CACNA1A: variants seen among roughly 807,000 people sequenced by gnomAD.
The protein encoded by CACNA1A is voltage-dependent P/Q-type calcium channel subunit alpha-1A.
CACNA1A carries 57 observed loss-of-function variants against 262.4 expected under a neutral mutation model. That is an observed-to-expected ratio of 0.22 (90% CI 0.18 to 0.27). CACNA1A has a LOEUF of 0.27. Among genes scored for constraint, CACNA1A ranks in the 10% least tolerant of loss-of-function variants. The pLI is 1.00. For synonymous variants in CACNA1A, 1,431 were observed against 1,419.3 expected, an observed-to-expected ratio of 1.01 and a Z score of -0.18; for missense variants, 2,526 against 3,562.8, an observed-to-expected ratio of 0.71 and a Z score of 7.41.
intron 22 of CACNA1A, among the ~76,000 whole-genome samples, chr19:13,282,365 C>T (rs528225381): frequency 6.6e-6 from 1 of 151,946 alleles, no homozygotes; most frequent in African/African-American, 2.4e-5. Flanking sequence ...ACAGGAGCCA[C>T]CAGTCCACCC....
At chr19:13,323,564 G>A (rs953926806) in intron 10 of CACNA1A, among the ~76,000 whole-genome samples, 6 of 152,052 alleles carry the variant, frequency 3.9e-5, no homozygotes, top group African/African-American at 1.2e-4. Flanking sequence ...CGGGCTCAAG[G>A]GATCGTCACA....
intron 1 of CACNA1A, among the ~76,000 whole-genome samples, chr19:13,497,568 ATATAT>A (rs1981830455): frequency 2.8e-5 from 1 of 35,762 alleles, no homozygotes; most frequent in African/African-American, 1.1e-4. Flanking sequence ...ATATATATAT[ATATAT>A]ATATATAAAT....
rs1182211677 is a variant in CACNA1A at position 13,461,380 on chromosome 19, C to CAAAACAA, written c.294-6169_294-6168insTTGTTTT. 2.0e-5 allele frequency among the ~76,000 whole-genome samples: 3 copies of CAAAACAA among 150,746 alleles called. No homozygotes were observed. In the East Asian group the frequency reaches 5.8e-4, roughly 29 times the overall value. On this transcript the variant is annotated intron_variant, in intron 1 of 46. Coordinates refer to ENST00000360228, the MANE Select transcript of CACNA1A (RefSeq NM_001127222.2). ...CAAAACAAAACAAAACAAAACAAAA[C>CAAAACAA]AAAAATCACCGGTGGAGGAAATGAA...
chr19:13,439,202 A>G (rs372707396), intron 3 of CACNA1A, among the ~76,000 whole-genome samples: 17 of 138,042 alleles, frequency 1.2e-4, no homozygotes, highest in South Asian at 4.7e-4. Context: ...TCCGCCTCCC[A>G]GGTTCACGCC....
chr19:13,423,611 C>T (rs1367110400), intron 3 of CACNA1A, among the ~76,000 whole-genome samples: 1 of 152,062 alleles, frequency 6.6e-6, no homozygotes, highest in African/African-American at 2.4e-5. Context: ...TCCCCAGGCT[C>T]AAGCAATCCT....
intron 10 of CACNA1A, among the ~76,000 whole-genome samples, chr19:13,323,858 G>T (rs1019464674): frequency 1.3e-5 from 2 of 152,080 alleles, no homozygotes; most frequent in African/African-American, 4.8e-5. Context: ...CCAATGCCAT[G>T]GAGCTTTCTC....
chr19:13,228,840 C>A, intron 36 of CACNA1A: 2 of 1,150,728 alleles, frequency 1.7e-6, no homozygotes, highest in South Asian at 2.7e-5. Flanking sequence ...TGGGTTCACA[C>A]GGGCTCCCTG....
intron 37 of CACNA1A, 85 bp downstream of exon 37, chr19:13,227,346 T>G: frequency 1.7e-6 from 1 of 585,626 alleles, no homozygotes; most frequent in Non-Finnish European, 3.1e-6. Flanking sequence ...GGCCGGGTGT[T>G]TCTGGTCAGC....
At chr19:13,356,688 C>T (rs970819027) in intron 6 of CACNA1A, among the ~76,000 whole-genome samples, 14 of 152,170 alleles carry the variant, frequency 9.2e-5, no homozygotes, top group Admixed American at 5.9e-4. Flanking sequence ...AGCTCCCATT[C>T]CCCACTCCCA....
intron 19 of CACNA1A, among the ~76,000 whole-genome samples, chr19:13,288,921 G>A (rs1238668577): frequency 6.6e-6 from 1 of 152,184 alleles, no homozygotes; most frequent in Admixed American, 6.5e-5. Flanking sequence ...GTAAGTGGAA[G>A]AGAGACAAGC....
At chr19:13,213,153 C>T (rs1413106659) in intron 40 of CACNA1A, among the ~76,000 whole-genome samples, 1 of 152,154 alleles carries the variant, frequency 6.6e-6, no homozygotes, top group African/African-American at 2.4e-5. Context: ...AAGGATCTGC[C>T]CTGTCACCTC....
At chr19:13,474,817 A>G (rs1279162785) in intron 1 of CACNA1A, among the ~76,000 whole-genome samples, 1 of 90,520 alleles carries the variant, frequency 1.1e-5, no homozygotes, top group Non-Finnish European at 1.9e-5. Context: ...ACTCCGTCTC[A>G]AAAAAAAAAA....
chr19:13,281,606 C>T (rs1013896497), intron 22 of CACNA1A, among the ~76,000 whole-genome samples: 1 of 151,968 alleles, frequency 6.6e-6, no homozygotes, highest in African/African-American at 2.4e-5. Flanking sequence ...GCACCTCCCC[C>T]CTCCTGTCGT....
intron 1 of CACNA1A, among the ~76,000 whole-genome samples, chr19:13,476,424 C>T (rs77743741): frequency 0.02 from 3,092 of 152,296 alleles, 47 homozygotes; most frequent in Middle Eastern, 0.048. Flanking sequence ...CAGTTTTGAG[C>T]ACCTATGATA....
At chr19:13,453,283 C>T (rs951489131) in intron 2 of CACNA1A, among the ~76,000 whole-genome samples, 36 of 152,182 alleles carry the variant, frequency 2.4e-4, no homozygotes, top group African/African-American at 7.5e-4. Flanking sequence ...TTTGTTTGCA[C>T]CTGTCTTATT....
chr19:13,336,594 G>GGAGGGAGAGAGA (rs1555768095), intron 6 of CACNA1A, among the ~76,000 whole-genome samples: 15 of 65,508 alleles, frequency 2.3e-4, no homozygotes, highest in African/African-American at 7.7e-4. Flanking sequence ...AGAGAGAGAG[G>GGAGGGAGAGAGA]GAGAGAGAGA....
chr19:13,264,867 T>TC (rs2056825422), intron 24 of CACNA1A, among the ~76,000 whole-genome samples: 2 of 132,954 alleles, frequency 1.5e-5, no homozygotes, highest in Admixed American at 1.7e-4. Flanking sequence ...GTGTTCATTT[T>TC]CCCTTTAATC....
chr19:13,443,322 C>T (rs1483412547), intron 3 of CACNA1A, among the ~76,000 whole-genome samples: 1 of 151,690 alleles, frequency 6.6e-6, no homozygotes, highest in African/African-American at 2.4e-5. Context: ...TTTATTTAAC[C>T]TTGAGAGTTG....
At chr19:13,403,052 C>A (rs2059937634) in intron 3 of CACNA1A, among the ~76,000 whole-genome samples, 1 of 151,426 alleles carries the variant, frequency 6.6e-6, no homozygotes, top group South Asian at 2.1e-4. Flanking sequence ...GTATCTTGCA[C>A]CCCAGAAAGT....
Sources: allele counts gnomAD v4.1 joint callset (sites outside exome capture counted in the v4.1 genomes callset), GRCh38; gene constraint gnomAD v4.1.1; transcripts MANE v1.5; gene names NCBI Gene and HGNC (gene_info 2026-07-23, HGNC 2026-07-21).